The following EPAS1 variants were observed in gnomAD, a reference collection of about 807,000 sequenced individuals.
EPAS1 encodes the protein endothelial PAS domain-containing protein 1.
A neutral mutation model predicts 87.9 loss-of-function variants in EPAS1; 23 were observed. The observed-to-expected ratio is 0.26, with a 90% CI of 0.19 to 0.37. EPAS1 has a LOEUF of 0.37. Ranked by LOEUF, EPAS1 falls within the 10% of genes least tolerant of loss-of-function variation. EPAS1 has a pLI of 1.00. For synonymous variants in EPAS1, 508 were observed against 444.3 expected (o/e 1.14, Z -1.80); for missense variants, 1,138 against 1,120.7 (o/e 1.02, Z -0.22).
intron 1 of EPAS1, among the ~76,000 whole-genome samples, chr2:46,310,996 C>G (rs1305707902): frequency 6.6e-6 from 1 of 152,178 alleles, no homozygotes; most frequent in Non-Finnish European, 1.5e-5. Context: ...CCTGCCTCAG[C>G]CTCCCCAGTA....
At chr2:46,377,470 C>A (rs906128002) in intron 9 of EPAS1, among the ~76,000 whole-genome samples, 1 of 152,178 alleles carries the variant, frequency 6.6e-6, no homozygotes, top group African/African-American at 2.4e-5. Flanking sequence ...ACAGCGGCCA[C>A]GTGAGGATTG....
intron 1 of EPAS1, among the ~76,000 whole-genome samples, chr2:46,325,943 G>T (rs1683553454): frequency 6.6e-6 from 1 of 152,172 alleles, no homozygotes; most frequent in South Asian, 2.1e-4. Flanking sequence ...AAGCTGTAGT[G>T]ATCACTTCCT....
chr2:46,384,036 G>A (rs765999195), intron 15 of EPAS1, among the ~76,000 whole-genome samples: 14 of 152,150 alleles, frequency 9.2e-5, no homozygotes, highest in Non-Finnish European at 1.6e-4. Flanking sequence ...CTGCCTCCTC[G>A]GCAAGAGAAT....
rs1415532082 is a variant in EPAS1, at chr2:46,356,181, C to G, written c.248C>G (p.Ala83Gly). Reference sequence around the variant, plus strand: ...TCTGAAAACGAGTCCGAAGCCGAAGCTGACCAGCAGATGGACAACTTGTAC... The same window carrying G: ...TCTGAAAACGAGTCCGAAGCCGAAGGTGACCAGCAGATGGACAACTTGTAC... ...VCSENESEAEADQQMDNLYLK... is the reference protein window; with the variant it reads ...VCSENESEAEGDQQMDNLYLK... The change falls in exon 3 of 16, where the codon GCT becomes GGT. Residue 83 changes from alanine to glycine, a missense_variant. Around this residue, in one of 4 missense-constraint regions of EPAS1, gnomAD observed 351 missense variants for 417.1 expected, o/e 0.84. Transcript: ENST00000263734. 1.3e-6 allele frequency: 2 copies of G among 1,567,030 alleles called. No individual in the cohort carries two copies. Among genetic ancestry groups the G allele is most frequent in the East Asian group, 2.3e-5 (1 of 44,028 alleles).
At chr2:46,304,566 G>T (rs535155439) in intron 1 of EPAS1, among the ~76,000 whole-genome samples, 1 of 152,226 alleles carries the variant, frequency 6.6e-6, no homozygotes, top group South Asian at 2.1e-4. Context: ...AGCAGATAGG[G>T]ATTGAAGATC....
At chr2:46,331,688 T>C (rs1392320869) in intron 1 of EPAS1, among the ~76,000 whole-genome samples, 1 of 152,170 alleles carries the variant, frequency 6.6e-6, no homozygotes, top group Non-Finnish European at 1.5e-5. Context: ...TCTTAGTTGA[T>C]TCTGGAAAAA....
intron 1 of EPAS1, among the ~76,000 whole-genome samples, chr2:46,320,290 T>TA (rs1264590042): frequency 6.6e-6 from 1 of 152,192 alleles, no homozygotes; most frequent in African/African-American, 2.4e-5. Flanking sequence ...CCGATTCTGG[T>TA]AGGGTACTTG....
chr2:46,350,887 T>C (rs993024341), intron 2 of EPAS1, among the ~76,000 whole-genome samples: 1 of 152,216 alleles, frequency 6.6e-6, no homozygotes, highest in Non-Finnish European at 1.5e-5. Flanking sequence ...TAACAAGAGA[T>C]TATATTTTCC....
chr2:46,382,535 C>T lies in EPAS1; in HGVS notation c.2398C>T (p.Pro800Ser), dbSNP rs1323373021. Residue 800 changes from proline to serine, a missense_variant, in exon 15 of 16, where the codon CCC (proline) becomes TCC (serine). Physicochemically the swap from Pro to Ser is moderately conservative, Grantham distance 74. Transcript: ENST00000263734. ...CGGGGAGAACAGCAAGAGCAGGTTC[C>T]CCCCACAGTGCTACGCCACCCAGTA... Reference protein sequence around the residue: ...SPGENSKSRFPPQCYATQYQD... With the variant: ...SPGENSKSRFSPQCYATQYQD... 3 of 1,614,172 alleles carry T rather than the reference C, an allele frequency of 1.9e-6. No homozygotes were observed. The highest frequency in any genetic ancestry group is 2.2e-5 in the East Asian group (1 of 44,880).
rs779136059 is a variant in EPAS1, at chr2:46,384,698, C to T, written c.*38C>T. 5.6e-6 allele frequency: 9 copies of T among 1,608,242 alleles called. No homozygotes were observed. The highest frequency in any genetic ancestry group is 1.1e-5 in the South Asian group (1 of 90,672). On this transcript the variant is annotated 3_prime_UTR_variant, in exon 16 of 16. Coordinates refer to ENST00000263734, the MANE Select transcript of EPAS1 (RefSeq NM_001430.5). ...ACCTGGGCAGCACCTCTGCCGACGC[C>T]GTCCCACCAGCTTCACTCTCTCCGT...
At chr2:46,351,361 T>C (rs888488569) in intron 2 of EPAS1, among the ~76,000 whole-genome samples, 6 of 152,176 alleles carry the variant, frequency 3.9e-5, no homozygotes, top group African/African-American at 1.4e-4. Context: ...AACAAAGGCA[T>C]GAATCTCTCC....
intron 6 of EPAS1, among the ~76,000 whole-genome samples, chr2:46,368,591 G>GT (rs1225707038): frequency 6.6e-6 from 1 of 152,166 alleles, no homozygotes; most frequent in Admixed American, 6.5e-5. Context: ...AAGTTGACCT[G>GT]TTTGGGGGGT....
intron 1 of EPAS1, among the ~76,000 whole-genome samples, chr2:46,332,291 C>CAT (rs1491210853): frequency 1.8e-5 from 2 of 110,800 alleles, no homozygotes; most frequent in East Asian, 6.8e-4. Flanking sequence ...AAAAAAAATA[C>CAT]GTGTGTGTGT....
At chr2:46,352,636 C>T (rs933386328) in intron 2 of EPAS1, among the ~76,000 whole-genome samples, 2 of 152,176 alleles carry the variant, frequency 1.3e-5, no homozygotes, top group Admixed American at 6.5e-5. Flanking sequence ...CTCTCAGCTC[C>T]AAGCTGGGAG....
intron 1 of EPAS1, among the ~76,000 whole-genome samples, chr2:46,340,136 C>A (rs182435364): frequency 1.2e-4 from 18 of 152,120 alleles, no homozygotes; most frequent in African/African-American, 2.9e-4. Flanking sequence ...CCTCCGGTTA[C>A]GTAAGGAGCT....
Position 46,297,854 on chromosome 2 carries a change from CA to C in EPAS1, c.-57del, listed in dbSNP as rs2104831275. The C allele has an allele frequency of 6.3e-7, 1 of 1,590,090 alleles. No homozygotes were observed. Among genetic ancestry groups the C allele is most frequent in the East Asian group, 2.3e-5 (1 of 43,260 alleles). ...GGAGCGGACGAGGGCCACAGCCCCCCACCCGCCAGGGAGCCCAGGTGCTCGG... is the reference window on the plus strand; with the variant it reads ...GGAGCGGACGAGGGCCACAGCCCCCCCCCGCCAGGGAGCCCAGGTGCTCGG... On this transcript the variant is annotated 5_prime_UTR_variant, in exon 1 of 16. Transcript: ENST00000263734.
At chr2:46,361,189 C>T (rs1348861279) in intron 6 of EPAS1, 99 bp downstream of exon 6, 11 of 1,328,056 alleles carry the variant, frequency 8.3e-6, no homozygotes, top group Middle Eastern at 4.2e-4. Context: ...TGAACATAGA[C>T]GTGGTATTGC....
chr2:46,310,093 A>T (rs1683182158), intron 1 of EPAS1, among the ~76,000 whole-genome samples: 1 of 152,202 alleles, frequency 6.6e-6, no homozygotes, highest in Admixed American at 6.5e-5. Flanking sequence ...ACCACTTCTC[A>T]GGGTAATAAA....
At chr2:46,322,198 C>G (rs1683467342) in intron 1 of EPAS1, among the ~76,000 whole-genome samples, 1 of 152,172 alleles carries the variant, frequency 6.6e-6, no homozygotes, top group East Asian at 1.9e-4. Flanking sequence ...GCTAATTTCT[C>G]CACCTGAAAC....
Sources: allele counts gnomAD v4.1 joint callset (sites outside exome capture counted in the v4.1 genomes callset), GRCh38; gene constraint gnomAD v4.1.1; regional missense constraint gnomAD v4.1.1; transcripts MANE v1.5; gene names NCBI Gene and HGNC (gene_info 2026-07-23, HGNC 2026-07-21).